The following EPS8 variants were observed in gnomAD, a reference collection of about 807,000 sequenced individuals.
EPS8 encodes the protein EGFR pathway substrate 8, signaling adaptor.
A neutral mutation model predicts 103.8 loss-of-function variants in EPS8; 42 were observed. That is an observed-to-expected ratio of 0.40 (90% confidence interval 0.32 to 0.52). The LOEUF is 0.52. Among genes scored for constraint, EPS8 ranks in the 20% least tolerant of loss-of-function variants. The pLI is 0.40. For missense variants in EPS8, 969 were observed against 1,005.1 expected (o/e 0.96, Z 0.49); for synonymous variants, 344 against 344.6 (o/e 1.00, Z 0.02).
At position 15,663,570 on chromosome 12, in the gene EPS8, C is replaced by T. The variant is rs185280317; in HGVS notation, c.737-1471G>A. Among the ~76,000 whole-genome samples the T allele has an allele frequency of 3.2e-3, 491 of 152,180 alleles. 1 individual carries two copies. Among genetic ancestry groups the T allele is most frequent in the African/African-American group, 9.0e-3 (373 of 41,524 alleles). On this transcript the variant is annotated intron_variant, in intron 8 of 20. Coordinates refer to ENST00000281172, the MANE Select transcript of EPS8 (RefSeq NM_004447.6). ...ACAGATGACATTGCAGAAAATATTT[C>T]AGATAAAATTTAATGAAAGCTCAGA...
intron 18 of EPS8, among the ~76,000 whole-genome samples, chr12:15,626,598 C>T (rs988807163): frequency 3.5e-5 from 5 of 143,386 alleles, no homozygotes; most frequent in South Asian, 2.2e-4. Flanking sequence ...CACTGTATTC[C>T]AGCCTGGCAA....
chr12:15,780,481 A>AACACACAC lies in EPS8; in HGVS notation c.-22+8672_-22+8679dup, dbSNP rs10637427. On this transcript the variant is annotated intron_variant, in intron 1 of 20. Transcript: ENST00000281172. This position sits in a 1 kb window ranked among gnomAD's most constrained non-coding sequence, Gnocchi z 4.1. ...CTCCTTTCTGCTATGTGCTGGGATAAACACACACACACACACACACACACA... is the reference window on the plus strand; with the variant it reads ...CTCCTTTCTGCTATGTGCTGGGATAAACACACACACACACACACACACACACACACACA... The AACACACAC allele has an allele frequency of 0.15, 17,092 of 117,330 alleles. 1,623 individuals carry two copies. Among genetic ancestry groups the AACACACAC allele is most frequent in the Non-Finnish European group, 0.19 (10,547 of 56,566 alleles). 7.3% of individuals were successfully genotyped at this position (117,330 alleles called of 1,614,324 possible).
At position 15,702,039 on chromosome 12, in the gene EPS8, GA is replaced by G. The variant is rs1225664259; in HGVS notation, c.-21-19068del. 6.6e-6 allele frequency among the ~76,000 whole-genome samples: 1 copy of G among 152,172 alleles called. No homozygotes were observed. Among genetic ancestry groups the G allele is most frequent in the Non-Finnish European group, 1.5e-5 (1 of 68,028 alleles). On this transcript the variant is annotated intron_variant, in intron 1 of 20. Coordinates refer to ENST00000281172, the MANE Select transcript of EPS8 (RefSeq NM_004447.6). The surrounding 1 kb of genome is among the most constrained non-coding windows in gnomAD (Gnocchi z 5.1). The stretch of plus-strand genomic sequence containing the variant: ...TTAAATATTAAATGACTACACATGT[GA>G]AAAAGAAATTCTTAAGTAGTTTGTG...
intron 15 of EPS8, among the ~76,000 whole-genome samples, chr12:15,643,122 T>C (rs967796428): frequency 2.6e-5 from 4 of 152,196 alleles, no homozygotes; most frequent in Non-Finnish European, 4.4e-5. Flanking sequence ...ACATTTAATC[T>C]ACTAAGATTT....
At chr12:15,666,408 T>C in intron 7 of EPS8, 32 bp downstream of exon 7, 2 of 1,516,960 alleles carry the variant, frequency 1.3e-6, no homozygotes, top group Non-Finnish European at 1.8e-6. Context: ...AACAAATCAA[T>C]TCCACTCCTT....
At position 15,776,717 on chromosome 12, in the gene EPS8, T is replaced by C. The variant is rs542302768; in HGVS notation, c.-22+12444A>G. On this transcript the variant is annotated intron_variant, in intron 1 of 20. Coordinates refer to ENST00000281172, the MANE Select transcript of EPS8 (RefSeq NM_004447.6). This position sits in a 1 kb window ranked among gnomAD's most constrained non-coding sequence, Gnocchi z 4.2. ...ATCAAAGTTCCCTAGATATAGCTTA[T>C]GAAGAGCACAGTGTTAGTAAAAATG... Among the ~76,000 whole-genome samples, 2 of 152,346 alleles carry C rather than the reference T, an allele frequency of 1.3e-5. No homozygotes were observed. Among genetic ancestry groups the C allele is most frequent in the African/African-American group, 4.8e-5 (2 of 41,582 alleles).
intron 3 of EPS8, among the ~76,000 whole-genome samples, chr12:15,671,205 A>G (rs1416635691): frequency 6.6e-6 from 1 of 152,156 alleles, no homozygotes; most frequent in African/African-American, 2.4e-5. Context: ...AAGTTATTTC[A>G]TCTAAAGGTT....
chr12:15,621,724 G>A (rs974532683), intron 20 of EPS8, among the ~76,000 whole-genome samples: 4 of 152,136 alleles, frequency 2.6e-5, no homozygotes, highest in Non-Finnish European at 5.9e-5. Flanking sequence ...AGAGAAAGAG[G>A]AAATGTGTAC....
rs1159591172 is a variant in EPS8, at chr12:15,725,151, T to A, written c.-21-42179A>T. 6.6e-6 allele frequency among the ~76,000 whole-genome samples: 1 copy of A among 152,160 alleles called. No homozygotes were observed. The highest frequency in any genetic ancestry group is 2.4e-5 in the African/African-American group (1 of 41,450). ...AGGATACCACCAGTCCACAGATCTGTGTCAATAAATCAGGATAAGCCAGCA... is the reference window on the plus strand; with the variant it reads ...AGGATACCACCAGTCCACAGATCTGAGTCAATAAATCAGGATAAGCCAGCA... On this transcript the variant is annotated intron_variant, in intron 1 of 20. Coordinates refer to ENST00000281172, the MANE Select transcript of EPS8 (RefSeq NM_004447.6). This position sits in a 1 kb window ranked among gnomAD's most constrained non-coding sequence, Gnocchi z 4.5.
In EPS8 at chr12:15,733,007, T is replaced by C. The variant is rs558271681; in HGVS notation, c.-21-50035A>G. ...GGTAGTCATGACTACCACACTAGAA[T>C]TGAACGATACCTAAATAATGGAGTA... On this transcript the variant is annotated intron_variant, in intron 1 of 20. Transcript: ENST00000281172. This position sits in a 1 kb window ranked among gnomAD's most constrained non-coding sequence, Gnocchi z 4.8. Among the ~76,000 whole-genome samples, 10 of 152,250 alleles carry C rather than the reference T, an allele frequency of 6.6e-5. No individual in the cohort carries two copies. The highest frequency in any genetic ancestry group is 2.2e-4 in the African/African-American group (9 of 41,542).
intron 1 of EPS8, among the ~76,000 whole-genome samples, chr12:15,687,231 G>A (rs1164803786): frequency 6.6e-6 from 1 of 151,944 alleles, no homozygotes; most frequent in East Asian, 1.9e-4. Context: ...TGGTAAAGAC[G>A]GCACCATGTA....
Position 15,728,939 on chromosome 12 carries a change from G to A in EPS8, c.-21-45967C>T, listed in dbSNP as rs1365886165. Reference sequence around the variant, plus strand: ...AACATTTCTTGTAAGGCACTGTGCTGGCAGCAAATTCCCAGTTCTTTTGTC... The same window carrying A: ...AACATTTCTTGTAAGGCACTGTGCTAGCAGCAAATTCCCAGTTCTTTTGTC... On this transcript the variant is annotated intron_variant, in intron 1 of 20. Transcript: ENST00000281172. The surrounding 1 kb of genome is among the most constrained non-coding windows in gnomAD (Gnocchi z 4.5). Among the ~76,000 whole-genome samples the A allele has an allele frequency of 2.0e-5, 3 of 152,080 alleles. No individual in the cohort carries two copies. The highest frequency in any genetic ancestry group is 4.4e-5 in the Non-Finnish European group (3 of 68,014).
chr12:15,754,922 C>T (rs1488820718), intron 1 of EPS8, among the ~76,000 whole-genome samples: 1 of 152,200 alleles, frequency 6.6e-6, no homozygotes, highest in East Asian at 1.9e-4. Context: ...TTACTTTCTA[C>T]TCCACTTCTC....
chr12:15,762,033 A>G lies in EPS8; in HGVS notation c.-22+27128T>C, dbSNP rs1947047378. Reference sequence around the variant, plus strand: ...GAGAAAATATATTTGCAAACTATCCATCTGAAAAGAGATTAATAATCAGAA... The same window carrying G: ...GAGAAAATATATTTGCAAACTATCCGTCTGAAAAGAGATTAATAATCAGAA... On this transcript the variant is annotated intron_variant, in intron 1 of 20. Transcript: ENST00000281172. The surrounding 1 kb of genome is among the most constrained non-coding windows in gnomAD (Gnocchi z 4.8). 6.6e-6 allele frequency among the ~76,000 whole-genome samples: 1 copy of G among 152,190 alleles called. No homozygotes were observed. Among genetic ancestry groups the G allele is most frequent in the Admixed American group, 6.6e-5 (1 of 15,266 alleles).
chr12:15,759,265 A>G lies in EPS8; in HGVS notation c.-22+29896T>C, dbSNP rs915574291. ...ACTAATTTTAAAAGGAACATCTATT[A>G]ATTCAATTGGGAAGCTGAATAGTTT... On this transcript the variant is annotated intron_variant, in intron 1 of 20. Transcript: ENST00000281172. This position sits in a 1 kb window ranked among gnomAD's most constrained non-coding sequence, Gnocchi z 4.9. 3.3e-5 allele frequency among the ~76,000 whole-genome samples: 5 copies of G among 152,094 alleles called. No homozygotes were observed. The highest frequency in any genetic ancestry group is 1.3e-4 in the Admixed American group (2 of 15,268).
At position 15,734,248 on chromosome 12, in the gene EPS8, G is replaced by T. The variant is rs1449960833; in HGVS notation, c.-21-51276C>A. Among the ~76,000 whole-genome samples the T allele has an allele frequency of 6.6e-6, 1 of 152,116 alleles. No homozygotes were observed. Among genetic ancestry groups the T allele is most frequent in the African/African-American group, 2.4e-5 (1 of 41,434 alleles). Reference sequence around the variant, plus strand: ...CTTTCAAGACCATATAATCAGTTTAGTTTTGTTTTCTCTCCTCCTCAGCTG... The same window carrying T: ...CTTTCAAGACCATATAATCAGTTTATTTTTGTTTTCTCTCCTCCTCAGCTG... On this transcript the variant is annotated intron_variant, in intron 1 of 20. Transcript: ENST00000281172. This position sits in a 1 kb window ranked among gnomAD's most constrained non-coding sequence, Gnocchi z 4.1.
At chr12:15,678,193 T>C (rs770203457) in intron 3 of EPS8, among the ~76,000 whole-genome samples, 4 of 152,114 alleles carry the variant, frequency 2.6e-5, no homozygotes, top group Non-Finnish European at 5.9e-5. Flanking sequence ...TCAACTAGAA[T>C]CTGTTTATTG....
chr12:15,729,050 A>G (rs547937826), intron 1 of EPS8, among the ~76,000 whole-genome samples: 68 of 152,298 alleles, frequency 4.5e-4, no homozygotes, highest in African/African-American at 1.5e-3. Flanking sequence ...CTGTTTTCCA[A>G]TACTTTACAT....
At chr12:15,658,715 T>C (rs1945551577) in intron 10 of EPS8, 130 bp from the exon 11 acceptor site, 2 of 663,784 alleles carry the variant, frequency 3.0e-6, no homozygotes, top group Non-Finnish European at 5.5e-6. Context: ...GTTACCGTGC[T>C]ACATCTCATA....
Sources: allele counts gnomAD v4.1 joint callset (sites outside exome capture counted in the v4.1 genomes callset), GRCh38; gene constraint gnomAD v4.1.1; non-coding constraint Gnocchi (gnomAD v3.1); transcripts MANE v1.5; gene names NCBI Gene and HGNC (gene_info 2026-07-23, HGNC 2026-07-21).